Variants in PPP2R2B observed in about 807,000 individuals in gnomAD.
PPP2R2B encodes protein phosphatase 2 regulatory subunit Bbeta.
PPP2R2B carries 5 observed loss-of-function variants against 46.0 expected under a neutral mutation model. The ratio of observed to expected loss-of-function variants is 0.11; its 90% CI spans 0.06 to 0.23. PPP2R2B has a LOEUF of 0.23. Ranked by LOEUF, PPP2R2B falls within the 10% of genes least tolerant of loss-of-function variation. The probability of loss-of-function intolerance (pLI) is 1.00; values close to 1 mark genes in which losing one functional copy is unlikely to be tolerated. For missense variants in PPP2R2B, 367 were observed against 575.0 expected (o/e 0.64, Z 3.70); for synonymous variants, 215 against 206.7 (o/e 1.04, Z -0.34).
intron 6 of PPP2R2B, among the ~76,000 whole-genome samples, chr5:146,639,583 CT>C (rs1215812328): frequency 6.6e-6 from 1 of 152,136 alleles, no homozygotes; most frequent in African/African-American, 2.4e-5. Context: ...CAGCAACATC[CT>C]GCAAAGAACA....
chr5:147,003,448 A>T (rs1006702883), intron 1 of PPP2R2B, among the ~76,000 whole-genome samples: 3 of 152,178 alleles, frequency 2.0e-5, no homozygotes, highest in African/African-American at 7.2e-5. Flanking sequence ...GATGATCCTG[A>T]TAGGTATATA....
At chr5:146,875,220 C>T (rs908403490) in intron 2 of PPP2R2B, among the ~76,000 whole-genome samples, 3 of 151,934 alleles carry the variant, frequency 2.0e-5, no homozygotes, top group African/African-American at 7.3e-5. Flanking sequence ...TATTGAAATG[C>T]TATACATAAA....
chr5:146,730,776 C>A (rs1229234812), intron 2 of PPP2R2B, among the ~76,000 whole-genome samples: 1 of 152,158 alleles, frequency 6.6e-6, no homozygotes, highest in Non-Finnish European at 1.5e-5. Flanking sequence ...TCCAATTAAA[C>A]CTCTTTTTAT....
chr5:147,079,434 T>TTATATATATATATATATA (rs1260007870), intron 2 of PPP2R2B, among the ~76,000 whole-genome samples: 2 of 80,962 alleles, frequency 2.5e-5, no homozygotes, highest in African/African-American at 4.2e-5. Context: ...CACACACATT[T>TTATATATATATATATATA]TATATATATA....
At chr5:146,718,387 TAA>T (rs541550995) in intron 2 of PPP2R2B, among the ~76,000 whole-genome samples, 2 of 144,092 alleles carry the variant, frequency 1.4e-5, no homozygotes, top group Admixed American at 6.9e-5. Context: ...GACCCCATCT[TAA>T]AAAAAAAAAA....
intron 2 of PPP2R2B, among the ~76,000 whole-genome samples, chr5:146,785,683 G>A (rs894182053): frequency 6.6e-6 from 1 of 152,138 alleles, no homozygotes; most frequent in African/African-American, 2.4e-5. Context: ...AAATCAGAAT[G>A]GAGTAATTTT....
chr5:147,019,716 C>G (rs1206581025), intron 1 of PPP2R2B, among the ~76,000 whole-genome samples: 1 of 152,106 alleles, frequency 6.6e-6, no homozygotes, highest in African/African-American at 2.4e-5. Context: ...AACAACTAGT[C>G]TAAGAAATAT....
upstream of PPP2R2B, among the ~76,000 whole-genome samples, chr5:147,058,279 TA>T (rs570866354): frequency 6.6e-6 from 1 of 152,210 alleles, no homozygotes; most frequent in Non-Finnish European, 1.5e-5. Flanking sequence ...GAGCCTATCA[TA>T]AAGCTGGAAT....
At chr5:147,047,855 G>A (rs1230932172) in intron 1 of PPP2R2B, among the ~76,000 whole-genome samples, 1 of 152,104 alleles carries the variant, frequency 6.6e-6, no homozygotes, top group Admixed American at 6.6e-5. Flanking sequence ...GATATCAGAA[G>A]CCTTCACCAA....
intron 8 of PPP2R2B, among the ~76,000 whole-genome samples, chr5:146,595,984 C>T (rs1304388164): frequency 6.6e-6 from 1 of 152,150 alleles, no homozygotes; most frequent in African/African-American, 2.4e-5. Context: ...CTCTATTGGT[C>T]CGTTCTTATA....
intron 2 of PPP2R2B, among the ~76,000 whole-genome samples, chr5:146,735,466 C>G (rs1283953756): frequency 6.6e-6 from 1 of 152,136 alleles, no homozygotes; most frequent in Non-Finnish European, 1.5e-5. Flanking sequence ...CCCAGAGCCT[C>G]AGCTTGGGCT....
rs1334092038 is a variant in PPP2R2B at position 146,586,100 on chromosome 5, GT to G, written c.*3846del. ...TGCAGTGTGAATGTTTCTCAGTGGTGTGTCTAGACTTCCCCCATCCAAAGAC... is the reference window on the plus strand; with the variant it reads ...TGCAGTGTGAATGTTTCTCAGTGGTGGTCTAGACTTCCCCCATCCAAAGAC... On this transcript the variant is annotated 3_prime_UTR_variant, in exon 10 of 10. Transcript: ENST00000394411. The G allele has an allele frequency of 6.6e-6, 1 of 152,304 alleles. No homozygotes were observed. The highest frequency in any genetic ancestry group is 2.4e-5 in the African/African-American group (1 of 41,434). The allele number at this position is 152,304 out of a possible 1,614,324, so 9.4% of individuals were successfully genotyped here. A position where few individuals can be genotyped will look rare whatever the true frequency, so the allele number is the denominator to read the frequency against.
intron 7 of PPP2R2B, among the ~76,000 whole-genome samples, chr5:146,619,274 G>A (rs1773474840): frequency 6.7e-6 from 1 of 149,588 alleles, no homozygotes; most frequent in Non-Finnish European, 1.5e-5. Flanking sequence ...AAGCCAGCCT[G>A]GCCAACAAGG....
In PPP2R2B at chr5:147,043,511, C is replaced by T. The variant is rs376021035; in HGVS notation, c.79+12154G>A. Among the ~76,000 whole-genome samples the T allele has an allele frequency of 1.6e-4, 24 of 152,168 alleles. 1 individual carries two copies. Among genetic ancestry groups the T allele is most frequent in the East Asian group, 1.4e-3 (7 of 5,162 alleles). ...GGGACCTGGATCTGATACTTTCAGC[C>T]TCCAGAACTGTGAGAAAATAAACTA... is the stretch of plus-strand genomic sequence containing the variant. On this transcript the variant is annotated intron_variant, in intron 1 of 8. Coordinates refer to the PPP2R2B transcript ENST00000336640.
chr5:146,678,291 C>T (rs1439052673), intron 5 of PPP2R2B, among the ~76,000 whole-genome samples: 1 of 151,412 alleles, frequency 6.6e-6, no homozygotes, highest in Non-Finnish European at 1.5e-5. Context: ...AAGACAAAAA[C>T]CACATGCTTA....
intron 1 of PPP2R2B, among the ~76,000 whole-genome samples, chr5:147,043,783 T>A (rs1026792098): frequency 1.3e-5 from 2 of 152,168 alleles, no homozygotes; most frequent in African/African-American, 2.4e-5. Flanking sequence ...AGAGGCTTAC[T>A]TAGGGGCAGT....
At chr5:146,616,730 T>C (rs1362055598) in intron 7 of PPP2R2B, among the ~76,000 whole-genome samples, 1 of 152,118 alleles carries the variant, frequency 6.6e-6, no homozygotes, top group East Asian at 1.9e-4. Context: ...ATAATGCTGA[T>C]GAGGATGTGG....
At chr5:146,873,135 A>C (rs1469964631) in intron 2 of PPP2R2B, among the ~76,000 whole-genome samples, 2 of 152,310 alleles carry the variant, frequency 1.3e-5, no homozygotes, top group East Asian at 3.9e-4. Context: ...GCGCCCCATT[A>C]TGCATCCATT....
rs1212261938 is a variant in PPP2R2B, at chr5:146,582,818, GAGC to G, written c.*7126_*7128del. The G allele has an allele frequency of 2.0e-5, 3 of 152,214 alleles. No individual in the cohort carries two copies. Among genetic ancestry groups the G allele is most frequent in the Non-Finnish European group, 4.4e-5 (3 of 68,070 alleles). 9.4% of individuals were successfully genotyped at this position (152,214 alleles called of 1,614,324 possible). ...AAGCATCTCTGAGGAGGTGACATTT[GAGC>G]TGAGTTTATCAGTATATCCCCTGTG... On this transcript the variant is annotated 3_prime_UTR_variant, in exon 10 of 10. Coordinates refer to ENST00000394411, the MANE Select transcript of PPP2R2B (RefSeq NM_181675.4).
Sources: allele counts gnomAD v4.1 joint callset (sites outside exome capture counted in the v4.1 genomes callset), GRCh38; gene constraint gnomAD v4.1.1; transcripts MANE v1.5; gene names NCBI Gene and HGNC (gene_info 2026-07-23, HGNC 2026-07-21).